The following SEPSECS variants were observed in gnomAD, a reference collection of about 807,000 sequenced individuals.
SEPSECS encodes the protein Sep (O-phosphoserine) tRNA:Sec (selenocysteine) tRNA synthase.
Under a neutral mutation model 52.1 loss-of-function variants are expected in SEPSECS, and 42 were observed. The observed-to-expected ratio is 0.81, with a 90% CI of 0.63 to 1.04. SEPSECS has a LOEUF of 1.04. Among genes scored for constraint, SEPSECS ranks in the 50% least tolerant of loss-of-function variants. The probability of loss-of-function intolerance (pLI) is 0.00; values close to 1 mark genes in which losing one functional copy is unlikely to be tolerated. For missense variants in SEPSECS, 590 were observed against 610.6 expected (o/e 0.97, Z 0.36); for synonymous variants, 216 against 211.4 (o/e 1.02, Z -0.19).
In SEPSECS at chr4:25,124,077, G is replaced by C; in HGVS notation, c.1360C>G (p.Leu454Val). ...CTTACTGCCTTTAAACACCTGTCAAGTCTCTTTATGAACAGGTCCACATCC... is the reference window on the plus strand; with the variant it reads ...CTTACTGCCTTTAAACACCTGTCAACTCTCTTTATGAACAGGTCCACATCC... ...MQDVDLFIKR[L>V]DRCLKAVRKE... Residue 454 changes from leucine (L) to valine (V), a missense_variant, in exon 11 of 11, where the codon CTT (leucine) becomes GTT (valine). Transcript: ENST00000382103. 2 of 1,613,762 alleles carry C rather than the reference G, an allele frequency of 1.2e-6. No individual in the cohort carries two copies. The highest frequency in any genetic ancestry group is 8.5e-7 in the Non-Finnish European group (1 of 1,179,766).
chr4:25,157,490 G>T (rs1712746180), intron 2 of SEPSECS, among the ~76,000 whole-genome samples: 1 of 151,560 alleles, frequency 6.6e-6, no homozygotes, highest in Admixed American at 6.6e-5. Context: ...TTTTAGGGTG[G>T]TTTGTTCTGT....
intron 3 of SEPSECS, 22 bp downstream of exon 3, chr4:25,156,834 T>C: frequency 8.0e-7 from 1 of 1,242,394 alleles, no homozygotes; most frequent in Non-Finnish European, 1.2e-6. Context: ...GCCAAAAGCA[T>C]TATGATTAAG....
At chr4:25,142,038 A>G (rs1711581346) in intron 8 of SEPSECS, among the ~76,000 whole-genome samples, 1 of 152,224 alleles carries the variant, frequency 6.6e-6, no homozygotes, top group Non-Finnish European at 1.5e-5. Context: ...ACACCCTGGG[A>G]GGCCAAGGTG....
chr4:25,153,563 T>C (rs949420989), intron 5 of SEPSECS, among the ~76,000 whole-genome samples: 3 of 151,998 alleles, frequency 2.0e-5, no homozygotes, highest in South Asian at 2.1e-4. Flanking sequence ...CCCTTCTTTT[T>C]TGCAACATTT....
chr4:25,135,556 T>C (rs144479666), intron 8 of SEPSECS, among the ~76,000 whole-genome samples: 2 of 152,198 alleles, frequency 1.3e-5, no homozygotes, highest in African/African-American at 4.8e-5. Flanking sequence ...AGTTCTGAAA[T>C]TGAGGCAGTA....
chr4:25,149,685 A>T (rs1712188289), intron 6 of SEPSECS, among the ~76,000 whole-genome samples: 1 of 152,194 alleles, frequency 6.6e-6, no homozygotes, highest in Non-Finnish European at 1.5e-5. Flanking sequence ...AGAAGCTGCT[A>T]AAAATTACAC....
chr4:25,149,946 C>A (rs1712202594), intron 6 of SEPSECS, among the ~76,000 whole-genome samples: 1 of 152,160 alleles, frequency 6.6e-6, no homozygotes, highest in African/African-American at 2.4e-5. Flanking sequence ...GCCTACAACC[C>A]ACTCCACCTC....
chr4:25,142,481 G>A (rs576133109), intron 8 of SEPSECS, among the ~76,000 whole-genome samples: 2 of 152,276 alleles, frequency 1.3e-5, no homozygotes, highest in South Asian at 4.2e-4. Context: ...TGCTCCTCAA[G>A]AGCAAGTATC....
rs762754446 is a variant in SEPSECS at position 25,127,279 on chromosome 4, T to C, written c.1105A>G (p.Asn369Asp). 1 of 1,610,236 alleles carries C rather than the reference T, an allele frequency of 6.2e-7. No individual in the cohort carries two copies. The highest frequency in any genetic ancestry group is 1.7e-5 in the Admixed American group (1 of 60,014). ...YNERLLHTPH[N>D]PISLAMTLKT... ...AAGAAATTACCTAAAGATATGGGAT[T>C]GTGAGGTGTATGCAACAGTCTTTCA... Residue 369 changes from asparagine (N) to aspartate (D), a missense_variant, in exon 9 of 11, where the codon AAT (asparagine) becomes GAT (aspartate). Coordinates refer to ENST00000382103, the MANE Select transcript of SEPSECS (RefSeq NM_016955.4).
chr4:25,146,294 A>C (rs1711958853), intron 6 of SEPSECS, among the ~76,000 whole-genome samples: 1 of 152,232 alleles, frequency 6.6e-6, no homozygotes, highest in South Asian at 2.1e-4. Context: ...GTCCAGATCC[A>C]GGCAACAGGT....
intron 2 of SEPSECS, 120 bp downstream of exon 2, chr4:25,158,833 C>A: frequency 2.1e-6 from 2 of 967,268 alleles, no homozygotes; most frequent in Non-Finnish European, 1.6e-6. Context: ...TCCATTAGAG[C>A]AGGGAAGAAG....
rs375979885 is a variant in SEPSECS, at chr4:25,157,372, A to T, written c.270-398T>A. ...CCTTCAGATGACTAAACTCTCAGCC[A>T]GTATCTGACTGCAACTACATGACAG... On this transcript the variant is annotated intron_variant, in intron 2 of 10. Coordinates refer to ENST00000382103, the MANE Select transcript of SEPSECS (RefSeq NM_016955.4). Among the ~76,000 whole-genome samples the T allele has an allele frequency of 2.8e-4, 42 of 152,274 alleles. 1 individual carries two copies. The South Asian group carries it at 8.7e-3, about 32-fold the overall frequency.
At chr4:25,140,576 G>A (rs975867653) in intron 8 of SEPSECS, among the ~76,000 whole-genome samples, 30 of 152,116 alleles carry the variant, frequency 2.0e-4, no homozygotes, top group African/African-American at 7.0e-4. Context: ...TACCTCATAA[G>A]AATATTTTAA....
intron 8 of SEPSECS, among the ~76,000 whole-genome samples, chr4:25,134,484 G>A (rs1444879515): frequency 6.6e-6 from 1 of 152,036 alleles, no homozygotes; most frequent in East Asian, 1.9e-4. Flanking sequence ...CATATGATGA[G>A]CATCTACTAT....
At chr4:25,142,873 C>G (rs1303757704) in intron 8 of SEPSECS, among the ~76,000 whole-genome samples, 1 of 152,154 alleles carries the variant, frequency 6.6e-6, no homozygotes, top group Admixed American at 6.5e-5. Flanking sequence ...AAGAAATATT[C>G]TAGAGTCTTT....
At chr4:25,157,228 C>A (rs1380582975) in intron 2 of SEPSECS, among the ~76,000 whole-genome samples, 1 of 152,210 alleles carries the variant, frequency 6.6e-6, no homozygotes, top group Admixed American at 6.5e-5. Context: ...ACATGCTACT[C>A]CCACACCAAG....
At chr4:25,126,395 A>G (rs1271570346) in intron 9 of SEPSECS, among the ~76,000 whole-genome samples, 1 of 152,196 alleles carries the variant, frequency 6.6e-6, no homozygotes, top group South Asian at 2.1e-4. Context: ...TACATAGATC[A>G]TAAATCAGCA....
In SEPSECS at chr4:25,125,674, T is replaced by C. The variant is rs372213994; in HGVS notation, c.1211+20A>G. 4 of 1,528,084 alleles carry C rather than the reference T, an allele frequency of 2.6e-6. No homozygotes were observed. In the East Asian group the frequency reaches 6.8e-5, roughly 26 times the overall value. 94.7% of individuals were successfully genotyped at this position (1,528,084 alleles called of 1,614,324 possible). ...GTTTGAAAAGACAAATAAACCCATA[T>C]CTATCTTAAACATACTTACCTGGCT... On this transcript the variant is annotated intron_variant, in intron 10 of 10. Transcript: ENST00000382103.
At chr4:25,131,565 C>G (rs367553637) in intron 8 of SEPSECS, among the ~76,000 whole-genome samples, 2 of 152,194 alleles carry the variant, frequency 1.3e-5, no homozygotes, top group African/African-American at 4.8e-5. Context: ...AGAGGCTACA[C>G]CCATCTGCAT....
Sources: gnomAD v4.1 joint callset for allele counts (sites outside exome capture counted in the v4.1 genomes callset) on GRCh38, gnomAD v4.1.1 for gene constraint, MANE v1.5 for transcripts, NCBI Gene and HGNC (gene_info 2026-07-23, HGNC 2026-07-21) for gene names.